Variants in PID1 observed in about 807,000 individuals in gnomAD.
The protein encoded by PID1 is PTB-containing, cubilin and LRP1-interacting protein.
A neutral mutation model predicts 19.1 loss-of-function variants in PID1; 10 were observed. That is an observed-to-expected ratio of 0.52 (90% confidence interval 0.32 to 0.89). The LOEUF is 0.89. PID1 is among the 40% of genes least tolerant of loss of function. The pLI is 0.03. For synonymous variants in PID1, 130 were observed against 116.0 expected (o/e 1.12, Z -0.78); for missense variants, 248 against 285.3 (o/e 0.87, Z 0.94).
At chr2:229,145,450 T>C (rs778919398) in intron 2 of PID1, among the ~76,000 whole-genome samples, 6 of 151,638 alleles carry the variant, frequency 4.0e-5, no homozygotes, top group Non-Finnish European at 7.4e-5. Flanking sequence ...CCCAGAAAAA[T>C]ATGTGGAATA....
intron 2 of PID1, among the ~76,000 whole-genome samples, chr2:229,117,194 CT>C (rs1354462888): frequency 7.9e-5 from 12 of 152,144 alleles, no homozygotes; most frequent in Admixed American, 5.2e-4. Flanking sequence ...CAAAATATAA[CT>C]CTTGTACCAC....
At chr2:229,212,875 C>A (rs1270876971) in intron 1 of PID1, among the ~76,000 whole-genome samples, 1 of 152,126 alleles carries the variant, frequency 6.6e-6, no homozygotes, top group Non-Finnish European at 1.5e-5. Flanking sequence ...TCCTGTCCCA[C>A]ACGTCCCGGC....
intron 2 of PID1, among the ~76,000 whole-genome samples, chr2:229,030,138 A>C (rs1693516351): frequency 6.6e-6 from 1 of 152,276 alleles, no homozygotes; most frequent in Non-Finnish European, 1.5e-5. Context: ...CATTATGCTA[A>C]GTAAAATACA....
chr2:229,148,717 A>T (rs1490957738), intron 2 of PID1, among the ~76,000 whole-genome samples: 1 of 151,584 alleles, frequency 6.6e-6, no homozygotes, highest in Admixed American at 6.6e-5. Flanking sequence ...AAAAAAGGGG[A>T]GAAAGGAAAA....
intron 1 of PID1, among the ~76,000 whole-genome samples, chr2:229,168,464 G>T (rs1690646659): frequency 6.6e-6 from 1 of 151,926 alleles, no homozygotes; most frequent in South Asian, 2.1e-4. Flanking sequence ...CTCATTAAAG[G>T]CCTTCTTCAT....
At chr2:229,146,497 TA>T (rs907239237) in intron 2 of PID1, among the ~76,000 whole-genome samples, 1 of 151,496 alleles carries the variant, frequency 6.6e-6, no homozygotes, top group South Asian at 2.1e-4. Context: ...AGTAAATTTT[TA>T]AAAAAAAATT....
chr2:229,083,891 T>C (rs913645585), intron 2 of PID1, among the ~76,000 whole-genome samples: 2 of 152,156 alleles, frequency 1.3e-5, no homozygotes, highest in Non-Finnish European at 2.9e-5. Flanking sequence ...GATGTAAAGG[T>C]TGACTGAAAT....
chr2:229,186,243 C>T (rs1691128353), intron 1 of PID1, among the ~76,000 whole-genome samples: 1 of 152,266 alleles, frequency 6.6e-6, no homozygotes, highest in East Asian at 1.9e-4. Context: ...CTCCCTCCTA[C>T]CTGCTTTAGT....
chr2:229,202,048 T>C (rs1284973687), intron 1 of PID1, among the ~76,000 whole-genome samples: 1 of 152,096 alleles, frequency 6.6e-6, no homozygotes, highest in East Asian at 1.9e-4. Flanking sequence ...GAAGCTAGTA[T>C]TTAAATTGTG....
At chr2:229,111,952 C>T (rs1695306593) in intron 2 of PID1, among the ~76,000 whole-genome samples, 1 of 152,142 alleles carries the variant, frequency 6.6e-6, no homozygotes. Context: ...CTGGCTAAAG[C>T]TTCAAAGATG....
chr2:229,154,655 A>G (rs1690328375), intron 2 of PID1, among the ~76,000 whole-genome samples: 1 of 152,184 alleles, frequency 6.6e-6, no homozygotes, highest in Admixed American at 6.5e-5. Flanking sequence ...CAGCTATGCG[A>G]GAACTGATTC....
chr2:229,089,854 G>T (rs960920496), intron 2 of PID1, among the ~76,000 whole-genome samples: 2 of 152,170 alleles, frequency 1.3e-5, no homozygotes, highest in African/African-American at 4.8e-5. Flanking sequence ...ATGGATGGCA[G>T]TTAAGTACTC....
rs1382980934 is a variant in PID1, at chr2:229,139,049, GAAAGAAAGAGAA to G, written c.177+16757_177+16768del. Among the ~76,000 whole-genome samples the G allele has an allele frequency of 4.6e-5, 3 of 65,738 alleles. 1 individual carries two copies. Among genetic ancestry groups the G allele is most frequent in the Non-Finnish European group, 6.6e-5 (2 of 30,230 alleles). The allele number at this position is 65,738 out of a possible 152,430, so 43.1% of individuals were successfully genotyped here. A position where few individuals can be genotyped will look rare whatever the true frequency, so the allele number is the denominator to read the frequency against. On this transcript the variant is annotated intron_variant, in intron 2 of 2. Transcript: ENST00000392055. Reference sequence around the variant, plus strand: ...AAAGAAAGAAAGAAAGAGAAAGAAAGAAAGAAAGAGAAAGAAAGAAAGAAAGAAAGAAAGAAA... The same window carrying G: ...AAAGAAAGAAAGAAAGAGAAAGAAAGAGAAAGAAAGAAAGAAAGAAAGAAA...
At chr2:229,086,571 G>A (rs1321284361) in intron 2 of PID1, among the ~76,000 whole-genome samples, 5 of 152,256 alleles carry the variant, frequency 3.3e-5, no homozygotes, top group African/African-American at 1.2e-4. Context: ...GTAAAAGAAG[G>A]AGAGAGTAAA....
chr2:229,062,924 G>C (rs1357623451), intron 2 of PID1, among the ~76,000 whole-genome samples: 1 of 151,948 alleles, frequency 6.6e-6, no homozygotes, highest in East Asian at 1.9e-4. Flanking sequence ...TTTGTTCATA[G>C]TAGTACTTTA....
At chr2:229,226,838 G>C (rs1214626323) in intron 1 of PID1, among the ~76,000 whole-genome samples, 1 of 152,190 alleles carries the variant, frequency 6.6e-6, no homozygotes, top group Non-Finnish European at 1.5e-5. Flanking sequence ...CAGACAGAAA[G>C]GAGGTAAACT....
At chr2:229,077,636 T>C (rs975754242) in intron 2 of PID1, among the ~76,000 whole-genome samples, 2 of 152,236 alleles carry the variant, frequency 1.3e-5, no homozygotes, top group Non-Finnish European at 2.9e-5. Context: ...ATGTATTAAA[T>C]AGGTAATCCT....
At chr2:229,067,104 CA>C (rs1694343293) in intron 2 of PID1, among the ~76,000 whole-genome samples, 1 of 152,072 alleles carries the variant, frequency 6.6e-6, no homozygotes, top group Non-Finnish European at 1.5e-5. Context: ...TTCTTCTTCA[CA>C]TTGGGGCAGG....
intron 1 of PID1, among the ~76,000 whole-genome samples, chr2:229,254,395 A>G (rs1301083790): frequency 6.6e-6 from 1 of 152,210 alleles, no homozygotes; most frequent in Non-Finnish European, 1.5e-5. Flanking sequence ...CAAAAACTAC[A>G]ACTAATGCTA....
Sources: allele counts gnomAD v4.1 joint callset (sites outside exome capture counted in the v4.1 genomes callset), GRCh38; gene constraint gnomAD v4.1.1; transcripts MANE v1.5; gene names NCBI Gene and HGNC (gene_info 2026-07-23, HGNC 2026-07-21).